The following ATP6V0A4 variants were observed in gnomAD, a reference collection of about 807,000 sequenced individuals.
ATP6V0A4 encodes the protein ATPase H+ transporting V0 subunit a4, also known as V-type proton ATPase 116 kDa subunit a 4.
In ATP6V0A4, 86 loss-of-function variants were observed where a neutral mutation model predicts 107.3. That is an observed-to-expected ratio of 0.80 (90% CI 0.67 to 0.96). The LOEUF (loss-of-function observed/expected upper bound fraction) is 0.96, where lower values mean the gene tolerates loss of function less well. Among genes scored for constraint, ATP6V0A4 ranks in the 40% least tolerant of loss-of-function variants. The probability of loss-of-function intolerance (pLI) is 0.00; values close to 1 mark genes in which losing one functional copy is unlikely to be tolerated. For synonymous variants in ATP6V0A4, 353 were observed against 381.4 expected (o/e 0.93, Z 0.87); for missense variants, 908 against 1,045.6 (o/e 0.87, Z 1.81).
chr7:138,750,335 C>G lies in ATP6V0A4; in HGVS notation c.1030-1018G>C, dbSNP rs74350715. 5.9e-3 allele frequency among the ~76,000 whole-genome samples: 895 copies of G among 152,142 alleles called. 63 individuals are homozygous for G. In the East Asian group the frequency reaches 0.14, roughly 24 times the overall value. On this transcript the variant is annotated intron_variant, in intron 11 of 21. Transcript: ENST00000310018. ...ACATGATCATAGCTCACTACAGCCT[C>G]AAACTTCTGGGCTCAAGTGATCCTC...
chr7:138,717,130 A>G (rs1324667725), intron 19 of ATP6V0A4, among the ~76,000 whole-genome samples: 1 of 152,204 alleles, frequency 6.6e-6, no homozygotes, highest in Non-Finnish European at 1.5e-5. Flanking sequence ...TTCAGATGGC[A>G]GTGGGCCTTA....
intron 1 of ATP6V0A4, among the ~76,000 whole-genome samples, chr7:138,787,617 A>C (rs575810202): frequency 1.2e-4 from 18 of 152,258 alleles, no homozygotes; most frequent in African/African-American, 4.1e-4. Context: ...GCACCTGCGA[A>C]TAGCCACTGT....
At chr7:138,759,615 GGAAAAAAAGGA>G (rs1384757871) in intron 8 of ATP6V0A4, 126 bp downstream of exon 8, 1 of 967,090 alleles carries the variant, frequency 1.0e-6, no homozygotes, top group African/African-American at 1.6e-5. Flanking sequence ...TAAAAGGGAA[GGAAAAAAAGGA>G]GAAAAAAAGG....
At chr7:138,748,400 T>C (rs1418447082) in intron 12 of ATP6V0A4, among the ~76,000 whole-genome samples, 1 of 151,840 alleles carries the variant, frequency 6.6e-6, no homozygotes, top group Non-Finnish European at 1.5e-5. Flanking sequence ...TATCCTTTCA[T>C]TTTATTTTAT....
Position 138,751,048 on chromosome 7 carries a change from TCA to T in ATP6V0A4, c.1029+1575_1029+1576del, listed in dbSNP as rs1375895905. 4.6e-5 allele frequency among the ~76,000 whole-genome samples: 7 copies of T among 151,854 alleles called. No homozygotes were observed. The East Asian group carries it at 1.2e-3, about 25-fold the overall frequency. On this transcript the variant is annotated intron_variant, in intron 11 of 21. Transcript: ENST00000310018. The stretch of plus-strand genomic sequence containing the variant: ...TTCCCATGCTATCAATGCCGCCTGC[TCA>T]GAGAGGGTTTCTTCAGATAACACGA...
chr7:138,785,328 T>C (rs572789694), intron 2 of ATP6V0A4, among the ~76,000 whole-genome samples: 10 of 148,830 alleles, frequency 6.7e-5, no homozygotes, highest in Non-Finnish European at 1.3e-4. Context: ...CAGTCTGGAG[T>C]GTAGTGTCGT....
chr7:138,796,555 G>A (rs926359573), intron 1 of ATP6V0A4, among the ~76,000 whole-genome samples: 1 of 152,096 alleles, frequency 6.6e-6, no homozygotes, highest in East Asian at 1.9e-4. Context: ...GCACACAGAC[G>A]ATTCCCTCGC....
intron 14 of ATP6V0A4, among the ~76,000 whole-genome samples, chr7:138,744,517 C>T (rs190007203): frequency 2.0e-4 from 30 of 151,578 alleles, no homozygotes; most frequent in Admixed American, 1.5e-3. Context: ...AGATTACAGG[C>T]GTAAGCCACC....
At chr7:138,774,708 G>T (rs571336066) in intron 2 of ATP6V0A4, among the ~76,000 whole-genome samples, 54 of 53,084 alleles carry the variant, frequency 1.0e-3, no homozygotes, top group Non-Finnish European at 2.4e-3. Flanking sequence ...ATATACGTGT[G>T]TATATATGTG....
In ATP6V0A4 at chr7:138,706,587, T is replaced by G; in HGVS notation, c.*37A>C. 5 of 1,611,814 alleles carry G rather than the reference T, an allele frequency of 3.1e-6. No homozygotes were observed. Among genetic ancestry groups the G allele is most frequent in the Non-Finnish European group, 4.2e-6 (5 of 1,178,392 alleles). On this transcript the variant is annotated 3_prime_UTR_variant, in exon 22 of 22. Coordinates refer to ENST00000310018, the MANE Select transcript of ATP6V0A4 (RefSeq NM_020632.3). ...AAAGACAAGACTGAACTTCCTTCATTGGCATGGTGACCACCGTGGGAGGTG... is the reference window on the plus strand; with the variant it reads ...AAAGACAAGACTGAACTTCCTTCATGGGCATGGTGACCACCGTGGGAGGTG...
At chr7:138,797,866 C>T (rs989831814) in intron 1 of ATP6V0A4, 168 bp downstream of exon 1, 1 of 887,048 alleles carries the variant, frequency 1.1e-6, no homozygotes, top group Non-Finnish European at 1.7e-6. Flanking sequence ...GCTTGCCCCT[C>T]CCTTCCTTCC....
chr7:138,754,371 C>T (rs992597551), intron 10 of ATP6V0A4, among the ~76,000 whole-genome samples: 1 of 151,156 alleles, frequency 6.6e-6, no homozygotes, highest in Non-Finnish European at 1.5e-5. Flanking sequence ...TCACTTGAAC[C>T]CGGGAGGCGG....
chr7:138,723,055 CA>C (rs34685977), intron 18 of ATP6V0A4, among the ~76,000 whole-genome samples: 53 of 122,376 alleles, frequency 4.3e-4, no homozygotes, highest in Admixed American at 9.6e-4. Flanking sequence ...GAGACTGTCT[CA>C]AAAAAAAAAA....
rs768675486 is a variant in ATP6V0A4, at chr7:138,759,787, T to C, written c.604A>G (p.Ser202Gly). ...ICRGNVYLKF[S>G]EMDAPLEDPV... Reference sequence around the variant, plus strand: ...TCCTCCAGAGGGGCGTCCATCTCACTGAACTTCAAGTACACGTTTCCTCGG... The same window carrying C: ...TCCTCCAGAGGGGCGTCCATCTCACCGAACTTCAAGTACACGTTTCCTCGG... The change falls in exon 8 of 22, where the codon AGT becomes GGT. Residue 202 changes from serine to glycine, a missense_variant. By Grantham distance (56) the Ser-to-Gly change is moderately conservative. Transcript: ENST00000310018. The C allele has an allele frequency of 5.6e-6, 9 of 1,614,046 alleles. No individual in the cohort carries two copies. The African/African-American group carries it at 8.0e-5, about 14-fold the overall frequency.
At chr7:138,780,172 C>G (rs958674447) in intron 2 of ATP6V0A4, 2 of 152,188 alleles carry the variant, frequency 1.3e-5, no homozygotes, top group African/African-American at 2.4e-5. Context: ...GCAGCAATCC[C>G]CAACCTTTTT....
chr7:138,708,891 T>C (rs1803585690), intron 21 of ATP6V0A4, among the ~76,000 whole-genome samples: 2 of 151,986 alleles, frequency 1.3e-5, no homozygotes. Flanking sequence ...CTGGCCAACA[T>C]AGGGGAACCC....
At chr7:138,743,609 T>G (rs1805752017) in intron 14 of ATP6V0A4, among the ~76,000 whole-genome samples, 1 of 152,202 alleles carries the variant, frequency 6.6e-6, no homozygotes, top group Admixed American at 6.5e-5. Context: ...GTAAGACCCG[T>G]GAAGTCCCTT....
At chr7:138,760,609 A>G (rs977053459) in intron 7 of ATP6V0A4, among the ~76,000 whole-genome samples, 1 of 152,112 alleles carries the variant, frequency 6.6e-6, no homozygotes, top group Admixed American at 6.5e-5. Flanking sequence ...TCCATTATCC[A>G]AGCATGTAGA....
At chr7:138,760,032 AG>A (rs1806723417) in intron 7 of ATP6V0A4, 154 bp from the exon 8 acceptor site, 1 of 821,922 alleles carries the variant, frequency 1.2e-6, no homozygotes, top group South Asian at 5.5e-5. Context: ...ATGAGTCCCA[AG>A]GCCACCCCGC....
Sources: allele counts gnomAD v4.1 joint callset (sites outside exome capture counted in the v4.1 genomes callset), GRCh38; gene constraint gnomAD v4.1.1; transcripts MANE v1.5; gene names NCBI Gene and HGNC (gene_info 2026-07-23, HGNC 2026-07-21).